The following NELL2 variants were observed in gnomAD, a reference collection of about 807,000 sequenced individuals.
NELL2 encodes the protein neural EGFL like 2, also known as protein kinase C-binding protein NELL2.
In NELL2, 41 loss-of-function variants were observed where a neutral mutation model predicts 109.6. That is an observed-to-expected ratio of 0.37 (90% confidence interval 0.29 to 0.49). The LOEUF (loss-of-function observed/expected upper bound fraction) is 0.49. Ranked by LOEUF, NELL2 falls within the 20% of genes least tolerant of loss-of-function variation. The pLI is 0.98. For missense variants in NELL2, 900 were observed against 1,008.3 expected (o/e 0.89, Z 1.45); for synonymous variants, 355 against 344.7 (o/e 1.03, Z -0.33).
chr12:44,791,202 A>ATATATATG (rs1942414254), intron 3 of NELL2, among the ~76,000 whole-genome samples: 1 of 64,220 alleles, frequency 1.6e-5, no homozygotes, highest in Non-Finnish European at 3.3e-5. Flanking sequence ...ATATATATAT[A>ATATATATG]TATATATATA....
chr12:44,867,291 T>A (rs955971150), intron 2 of NELL2, among the ~76,000 whole-genome samples: 2 of 152,184 alleles, frequency 1.3e-5, no homozygotes, highest in African/African-American at 4.8e-5. Flanking sequence ...CATGATCAAG[T>A]AGGATTTATC....
chr12:44,695,831 T>A (rs796728096), intron 12 of NELL2, among the ~76,000 whole-genome samples: 31 of 151,548 alleles, frequency 2.0e-4, no homozygotes, highest in African/African-American at 7.5e-4. Flanking sequence ...AAAATAAAAA[T>A]AAATTAGCCA....
At chr12:44,774,606 AC>A in intron 9 of NELL2, 140 bp downstream of exon 9, 1 of 698,466 alleles carries the variant, frequency 1.4e-6, no homozygotes, top group Non-Finnish European at 2.4e-6. Flanking sequence ...ATCAACCAAA[AC>A]AGAGAAAGTA....
rs377186159 is a variant in NELL2, at chr12:44,757,165, T to C, written c.994+17582A>G. 3.2e-4 allele frequency among the ~76,000 whole-genome samples: 49 copies of C among 152,298 alleles called. No homozygotes were observed. The South Asian group carries it at 8.3e-3, about 26-fold the overall frequency. On this transcript the variant is annotated intron_variant, in intron 9 of 19. Coordinates refer to ENST00000429094, the MANE Select transcript of NELL2 (RefSeq NM_001145108.2). ...CTTGGTCCTTGAAATCCAATTACTATAGGCAACATATTCTACCTCTCATAT... is the reference window on the plus strand; with the variant it reads ...CTTGGTCCTTGAAATCCAATTACTACAGGCAACATATTCTACCTCTCATAT...
At chr12:44,595,094 C>T (rs987346187) in intron 15 of NELL2, among the ~76,000 whole-genome samples, 3 of 152,100 alleles carry the variant, frequency 2.0e-5, no homozygotes, top group Non-Finnish European at 4.4e-5. Flanking sequence ...AATTGTCATG[C>T]TTACACAATC....
intron 9 of NELL2, among the ~76,000 whole-genome samples, chr12:44,717,339 A>C (rs986884139): frequency 3.9e-5 from 6 of 152,182 alleles, no homozygotes; most frequent in African/African-American, 1.4e-4. Context: ...CTATTCATAC[A>C]TTTAACAAAT....
intron 9 of NELL2, among the ~76,000 whole-genome samples, chr12:44,746,940 C>T (rs1369655043): frequency 1.3e-5 from 2 of 152,164 alleles, no homozygotes; most frequent in East Asian, 3.8e-4. Flanking sequence ...CCAACCATCC[C>T]ATTACTGGGT....
At chr12:44,683,308 G>T (rs973401556) in intron 12 of NELL2, among the ~76,000 whole-genome samples, 1 of 150,380 alleles carries the variant, frequency 6.6e-6, no homozygotes, top group Admixed American at 6.6e-5. Context: ...ATCAGCTTAA[G>T]GAGATTTTGG....
At chr12:44,910,951 G>C (rs1945773098) in intron 1 of NELL2, among the ~76,000 whole-genome samples, 1 of 151,806 alleles carries the variant, frequency 6.6e-6, no homozygotes, top group Non-Finnish European at 1.5e-5. Flanking sequence ...CTAAACTTTA[G>C]GTACTTTTGG....
intron 9 of NELL2, among the ~76,000 whole-genome samples, chr12:44,754,501 T>G (rs1200932899): frequency 1.3e-5 from 2 of 152,236 alleles, no homozygotes; most frequent in Non-Finnish European, 2.9e-5. Flanking sequence ...TTCCTTTTCT[T>G]TTATTTCAAC....
chr12:44,656,542 T>A (rs975369187), intron 13 of NELL2, among the ~76,000 whole-genome samples: 2 of 152,248 alleles, frequency 1.3e-5, no homozygotes, highest in Non-Finnish European at 2.9e-5. Context: ...ACAGCTAGTG[T>A]TCATTAAACA....
At chr12:44,826,091 A>G (rs1397924377) in intron 2 of NELL2, among the ~76,000 whole-genome samples, 2 of 152,154 alleles carry the variant, frequency 1.3e-5, no homozygotes, top group East Asian at 1.9e-4. Flanking sequence ...TGTTAGTAGT[A>G]AAAGAGAAGG....
In NELL2 at chr12:44,708,624, T is replaced by G. The variant is rs985479430; in HGVS notation, c.1189+2668A>C. On this transcript the variant is annotated intron_variant, in intron 11 of 19. Transcript: ENST00000429094. ...GTTAGAAAATGCCAGGAGAACACGT[T>G]TATTTCACATATTTGAATCGGAAAT... Among the ~76,000 whole-genome samples, 4 of 152,334 alleles carry G rather than the reference T, an allele frequency of 2.6e-5. 1 individual carries two copies. Among genetic ancestry groups the G allele is most frequent in the Non-Finnish European group, 2.9e-5 (2 of 68,024 alleles).
intron 3 of NELL2, among the ~76,000 whole-genome samples, chr12:44,785,330 C>T (rs1024753834): frequency 1.1e-4 from 17 of 151,960 alleles, no homozygotes; most frequent in Non-Finnish European, 2.4e-4. Context: ...ACAAGGGATG[C>T]GAAGGACCTC....
chr12:44,790,661 T>C (rs1409112429), intron 3 of NELL2, among the ~76,000 whole-genome samples: 1 of 150,700 alleles, frequency 6.6e-6, no homozygotes, highest in African/African-American at 2.4e-5. Context: ...GCACCTCACA[T>C]TTCAATACTA....
intron 13 of NELL2, among the ~76,000 whole-genome samples, chr12:44,664,723 T>C (rs1331979321): frequency 1.3e-5 from 2 of 152,142 alleles, no homozygotes; most frequent in Non-Finnish European, 2.9e-5. Flanking sequence ...CTAAAATATG[T>C]TATTTTTGTT....
intron 15 of NELL2, among the ~76,000 whole-genome samples, chr12:44,565,722 G>A (rs756393880): frequency 2.0e-5 from 3 of 152,156 alleles, no homozygotes; most frequent in Non-Finnish European, 4.4e-5. Flanking sequence ...GCATAGGGTT[G>A]TAAGACTTAA....
intron 13 of NELL2, among the ~76,000 whole-genome samples, chr12:44,653,651 A>G (rs1192083217): frequency 6.6e-6 from 1 of 152,216 alleles, no homozygotes; most frequent in Non-Finnish European, 1.5e-5. Flanking sequence ...TGGAGTTCCA[A>G]GAACACCAAC....
intron 9 of NELL2, among the ~76,000 whole-genome samples, chr12:44,738,803 T>C (rs1939786355): frequency 6.6e-6 from 1 of 152,180 alleles, no homozygotes. Context: ...GCTAAGAAAG[T>C]AGATCCTAAG....
Sources: gnomAD v4.1 joint callset for allele counts (sites outside exome capture counted in the v4.1 genomes callset) on GRCh38, gnomAD v4.1.1 for gene constraint, MANE v1.5 for transcripts, NCBI Gene and HGNC (gene_info 2026-07-23, HGNC 2026-07-21) for gene names.